Variants in MAGI3 observed in about 807,000 individuals in gnomAD.
MAGI3 encodes the protein membrane-associated guanylate kinase, WW and PDZ domain-containing protein 3.
In MAGI3, 43 loss-of-function variants were observed where a neutral mutation model predicts 121.8. The ratio of observed to expected loss-of-function variants is 0.35; its 90% CI spans 0.28 to 0.46. The LOEUF (loss-of-function observed/expected upper bound fraction) is 0.46. MAGI3 is among the 20% of genes least tolerant of loss of function. The pLI, the probability that MAGI3 is intolerant of heterozygous loss-of-function variation, is 1.00. For synonymous variants in MAGI3, 553 were observed against 639.3 expected, an observed-to-expected ratio of 0.86 and a Z score of 2.04; for missense variants, 1,547 against 1,797.3, an observed-to-expected ratio of 0.86 and a Z score of 2.52.
rs145165429 is a variant in MAGI3 at position 113,514,749 on chromosome 1, A to T, written c.317-34766A>T. Among the ~76,000 whole-genome samples, 400 of 152,312 alleles carry T rather than the reference A, an allele frequency of 2.6e-3. 3 individuals are homozygous for T. Among genetic ancestry groups the T allele is most frequent in the South Asian group, 0.014 (68 of 4,834 alleles). On this transcript the variant is annotated intron_variant, in intron 1 of 20. Coordinates refer to ENST00000307546, the MANE Select transcript of MAGI3 (RefSeq NM_001142782.2). ...ATAGTAACTAACCTGCACATTGTGC[A>T]CATGTACCCTAAAACTTAAAGTATA...
At chr1:113,444,948 A>G (rs1654098547) in intron 1 of MAGI3, among the ~76,000 whole-genome samples, 1 of 152,198 alleles carries the variant, frequency 6.6e-6, no homozygotes, top group South Asian at 2.1e-4. Context: ...AGAAAATACA[A>G]TAATTAAAAT....
intron 1 of MAGI3, among the ~76,000 whole-genome samples, chr1:113,424,620 T>C (rs1245028836): frequency 6.6e-6 from 1 of 152,240 alleles, no homozygotes; most frequent in East Asian, 1.9e-4. Flanking sequence ...AGTTGTTGCA[T>C]GTAGCAATTA....
At chr1:113,394,327 C>T (rs1650981641) in intron 1 of MAGI3, among the ~76,000 whole-genome samples, 2 of 152,128 alleles carry the variant, frequency 1.3e-5, no homozygotes, top group South Asian at 2.1e-4. Flanking sequence ...ACTTTGCCCG[C>T]TTATAGAAGA....
At chr1:113,660,732 A>G (rs926631646) in intron 16 of MAGI3, among the ~76,000 whole-genome samples, 9 of 150,490 alleles carry the variant, frequency 6.0e-5, no homozygotes, top group African/African-American at 1.7e-4. Flanking sequence ...CTCTGACCTC[A>G]GCGTCCTGAG....
At chr1:113,491,624 G>A (rs565931888) in intron 1 of MAGI3, among the ~76,000 whole-genome samples, 2 of 152,100 alleles carry the variant, frequency 1.3e-5, no homozygotes, top group South Asian at 4.2e-4. Context: ...TAGACCATTA[G>A]CTAGGCTAAT....
At chr1:113,585,331 T>C in intron 3 of MAGI3, 56 bp from the exon 4 acceptor site, 1 of 1,519,734 alleles carries the variant, frequency 6.6e-7, no homozygotes, top group South Asian at 1.1e-5. Context: ...TAGGTCAAAT[T>C]GCTCTGACTC....
At chr1:113,534,826 G>A (rs1007398212) in intron 1 of MAGI3, among the ~76,000 whole-genome samples, 8 of 151,964 alleles carry the variant, frequency 5.3e-5, no homozygotes, top group South Asian at 4.2e-4. Context: ...TTTATGGGAA[G>A]TATTTTTATT....
intron 6 of MAGI3, among the ~76,000 whole-genome samples, chr1:113,611,421 G>A (rs140972139): frequency 5.9e-5 from 9 of 152,196 alleles, no homozygotes; most frequent in Non-Finnish European, 1.0e-4. Flanking sequence ...ATTTGATAAT[G>A]TATCACTTTT....
intron 1 of MAGI3, among the ~76,000 whole-genome samples, chr1:113,431,699 TG>T (rs1412923559): frequency 6.6e-6 from 1 of 152,166 alleles, no homozygotes; most frequent in Non-Finnish European, 1.5e-5. Flanking sequence ...AAGATTTTAT[TG>T]AGTGAAAATT....
At chr1:113,548,979 G>A (rs1659652710) in intron 1 of MAGI3, among the ~76,000 whole-genome samples, 2 of 152,158 alleles carry the variant, frequency 1.3e-5, no homozygotes, top group Admixed American at 6.5e-5. Flanking sequence ...TCTAGATTTC[G>A]AGATTGTTTT....
chr1:113,587,261 G>A (rs1314873693), intron 4 of MAGI3, among the ~76,000 whole-genome samples: 6 of 152,258 alleles, frequency 3.9e-5, no homozygotes, highest in African/African-American at 9.6e-5. Context: ...GCAGTGGTGC[G>A]ATCTTGGCTC....
intron 1 of MAGI3, among the ~76,000 whole-genome samples, chr1:113,509,355 C>CTTTTTTTT (rs763952179): frequency 1.6e-5 from 2 of 126,642 alleles, no homozygotes; most frequent in Admixed American, 8.0e-5. Flanking sequence ...ATTATCTTTT[C>CTTTTTTTT]TTTTTTTTTT....
chr1:113,637,916 G>C (rs1319999863), intron 9 of MAGI3, among the ~76,000 whole-genome samples: 2 of 152,076 alleles, frequency 1.3e-5, no homozygotes, highest in African/African-American at 4.8e-5. Flanking sequence ...TTTCTTGGAG[G>C]CTTTGTTCAT....
At chr1:113,627,951 G>C (rs1466693720) in intron 9 of MAGI3, among the ~76,000 whole-genome samples, 2 of 152,004 alleles carry the variant, frequency 1.3e-5, no homozygotes, top group African/African-American at 2.4e-5. Context: ...TAGATCATCA[G>C]GTCTTGCTTT....
intron 1 of MAGI3, among the ~76,000 whole-genome samples, chr1:113,452,712 T>C (rs1282424485): frequency 6.6e-6 from 1 of 152,114 alleles, no homozygotes; most frequent in Admixed American, 6.6e-5. Flanking sequence ...TTGACCTGAA[T>C]AGGATTAAAT....
At position 113,472,248 on chromosome 1, in the gene MAGI3, G is replaced by A. The variant is rs567347980; in HGVS notation, c.317-77267G>A. 4.0e-5 allele frequency among the ~76,000 whole-genome samples: 6 copies of A among 151,134 alleles called. No homozygotes were observed. In the South Asian group the frequency reaches 1.3e-3, roughly 32 times the overall value. Reference sequence around the variant, plus strand: ...GACAGAGTCTCGCTCTGTCACCCAGGCTGGAGTGCAGTGGCGCGATCTCGG... The same window carrying A: ...GACAGAGTCTCGCTCTGTCACCCAGACTGGAGTGCAGTGGCGCGATCTCGG... On this transcript the variant is annotated intron_variant, in intron 1 of 20. Transcript: ENST00000307546.
chr1:113,644,280 A>T (rs995678690), intron 11 of MAGI3, among the ~76,000 whole-genome samples: 3 of 151,536 alleles, frequency 2.0e-5, no homozygotes, highest in South Asian at 4.2e-4. Flanking sequence ...TTTATTTTTT[A>T]TTTATTTATT....
intron 1 of MAGI3, among the ~76,000 whole-genome samples, chr1:113,517,773 T>C (rs1320806562): frequency 6.6e-6 from 1 of 151,966 alleles, no homozygotes; most frequent in Non-Finnish European, 1.5e-5. Flanking sequence ...TCCCATAACA[T>C]GTCAAATTCA....
At chr1:113,603,909 C>A (rs754856039) in intron 6 of MAGI3, among the ~76,000 whole-genome samples, 1 of 152,126 alleles carries the variant, frequency 6.6e-6, no homozygotes, top group African/African-American at 2.4e-5. Context: ...AAATGCTCAT[C>A]ATCAGGGATG....
Sources: gnomAD v4.1 joint callset for allele counts (sites outside exome capture counted in the v4.1 genomes callset) on GRCh38, gnomAD v4.1.1 for gene constraint, MANE v1.5 for transcripts, NCBI Gene and HGNC (gene_info 2026-07-23, HGNC 2026-07-21) for gene names.